WWOX: variants seen among roughly 807,000 people sequenced by gnomAD.
WWOX encodes the protein WW domain containing oxidoreductase.
A neutral mutation model predicts 46.2 loss-of-function variants in WWOX; 69 were observed. The ratio of observed to expected loss-of-function variants is 1.49; its 90% CI spans 1.23 to 1.82. The LOEUF is 1.82. Ranked by LOEUF, WWOX falls within the 40% of genes most tolerant of loss-of-function variation. The pLI, the probability that WWOX is intolerant of heterozygous loss-of-function variation, is 0.00. For missense variants in WWOX, 919 were observed against 542.6 expected (o/e 1.69, Z -6.89); for synonymous variants, 359 against 202.6 (o/e 1.77, Z -6.56).
At chr16:78,975,135 C>G (rs1358419585) in intron 8 of WWOX, among the ~76,000 whole-genome samples, 1 of 152,156 alleles carries the variant, frequency 6.6e-6, no homozygotes, top group Non-Finnish European at 1.5e-5. Context: ...AAAAGATACT[C>G]CAGTCCTTAA....
chr16:78,360,305 G>A (rs867627618), intron 5 of WWOX, among the ~76,000 whole-genome samples: 5 of 152,154 alleles, frequency 3.3e-5, no homozygotes, highest in Admixed American at 6.5e-5. Flanking sequence ...GGAGAAGTAG[G>A]CTGGGCACAG....
chr16:78,600,715 C>A (rs764468389), intron 8 of WWOX, among the ~76,000 whole-genome samples: 24 of 152,272 alleles, frequency 1.6e-4, no homozygotes, highest in Non-Finnish European at 2.2e-4. Flanking sequence ...GACAATAGGG[C>A]CATGAAAGCA....
chr16:78,376,416 C>T (rs754250264), intron 5 of WWOX, among the ~76,000 whole-genome samples: 3 of 152,114 alleles, frequency 2.0e-5, no homozygotes, highest in African/African-American at 7.2e-5. Flanking sequence ...CAGGCTGTCC[C>T]TGTTCTTATC....
intron 8 of WWOX, chr16:79,016,098 C>G (rs965669372): frequency 2.0e-5 from 3 of 152,198 alleles, no homozygotes; most frequent in African/African-American, 7.2e-5. Flanking sequence ...TATATGTTCT[C>G]AAATTCCAAC....
At chr16:79,129,223 G>GAT (rs2049824944) in intron 8 of WWOX, among the ~76,000 whole-genome samples, 1 of 151,548 alleles carries the variant, frequency 6.6e-6, no homozygotes, top group Non-Finnish European at 1.5e-5. Context: ...AGACCATCAG[G>GAT]GCCTAGGATT....
At chr16:78,793,138 T>C (rs1428231634) in intron 8 of WWOX, among the ~76,000 whole-genome samples, 1 of 152,182 alleles carries the variant, frequency 6.6e-6, no homozygotes, top group Non-Finnish European at 1.5e-5. Flanking sequence ...AGTGATGCAA[T>C]CTCAGGTCAC....
At chr16:78,561,431 G>A (rs561521132) in intron 8 of WWOX, among the ~76,000 whole-genome samples, 1 of 152,244 alleles carries the variant, frequency 6.6e-6, no homozygotes, top group Admixed American at 6.5e-5. Flanking sequence ...TATCTTAAGG[G>A]CAACTGATGT....
intron 3 of WWOX, among the ~76,000 whole-genome samples, chr16:78,113,843 G>T (rs185894814): frequency 6.6e-6 from 1 of 151,790 alleles, no homozygotes; most frequent in Non-Finnish European, 1.5e-5. Flanking sequence ...TGAGGATGAG[G>T]ATGGTAATAA....
At chr16:79,067,428 T>C (rs1224390066) in intron 8 of WWOX, among the ~76,000 whole-genome samples, 1 of 152,152 alleles carries the variant, frequency 6.6e-6, no homozygotes, top group African/African-American at 2.4e-5. Flanking sequence ...AAAAACTTTA[T>C]GAAAACTCCA....
chr16:78,646,041 C>A (rs778925234), intron 8 of WWOX, among the ~76,000 whole-genome samples: 8 of 152,158 alleles, frequency 5.3e-5, no homozygotes, highest in Non-Finnish European at 1.0e-4. Flanking sequence ...CCTTTTAGAT[C>A]CTTTGTGACT....
intron 8 of WWOX, among the ~76,000 whole-genome samples, chr16:78,794,897 C>G (rs189811619): frequency 6.6e-6 from 1 of 152,302 alleles, no homozygotes; most frequent in East Asian, 1.9e-4. Flanking sequence ...AAATGACTTG[C>G]CTTTTGTATG....
intron 5 of WWOX, among the ~76,000 whole-genome samples, chr16:78,352,337 G>A (rs2081202828): frequency 6.6e-6 from 1 of 152,144 alleles, no homozygotes; most frequent in Non-Finnish European, 1.5e-5. Context: ...CAGTTTTGGA[G>A]GTCAGTGGTC....
In WWOX at chr16:78,109,774, T is replaced by G; in HGVS notation, c.173-4T>G. 6.2e-7 allele frequency: 1 copy of G among 1,614,154 alleles called. No homozygotes were observed. Among genetic ancestry groups the G allele is most frequent in the Non-Finnish European group, 8.5e-7 (1 of 1,180,024 alleles). On this transcript the variant is annotated splice_region_variant and splice_polypyrimidine_tract_variant and intron_variant, in intron 2 of 8. Transcript: ENST00000566780. ...CCTGTAGACCTGTCTTTCTTGTGTT[T>G]CAGATTTGCCATACGGATGGGAACA...
intron 8 of WWOX, among the ~76,000 whole-genome samples, chr16:79,021,402 C>T (rs74036003): frequency 6.6e-6 from 1 of 152,172 alleles, no homozygotes; most frequent in African/African-American, 2.4e-5. Flanking sequence ...GTGCCCTTTG[C>T]AGAATAATGG....
chr16:79,104,042 G>GT (rs978238856), intron 8 of WWOX, among the ~76,000 whole-genome samples: 1 of 122,914 alleles, frequency 8.1e-6, no homozygotes, highest in Non-Finnish European at 1.7e-5. Flanking sequence ...TTTTTTGGGG[G>GT]GGGGGGGGCG....
At chr16:78,652,751 C>T (rs763433899) in intron 8 of WWOX, among the ~76,000 whole-genome samples, 4 of 152,112 alleles carry the variant, frequency 2.6e-5, no homozygotes, top group Non-Finnish European at 5.9e-5. Flanking sequence ...TAAAAATAGA[C>T]TTGGTAAAGA....
chr16:78,167,440 A>C (rs2035681613), intron 5 of WWOX: 1 of 152,224 alleles, frequency 6.6e-6, no homozygotes, highest in South Asian at 2.1e-4. Context: ...AACATGTAGT[A>C]CCTTGAGATA....
intron 7 of WWOX, among the ~76,000 whole-genome samples, chr16:78,427,528 A>T (rs540312345): frequency 3.4e-5 from 5 of 148,108 alleles, no homozygotes; most frequent in Admixed American, 2.7e-4. Flanking sequence ...AAAATCACAC[A>T]TACACGCACG....
rs564335875 is a variant in WWOX at position 78,102,512 on chromosome 16, G to T, written c.107+2627G>T. ...GGACATTTCCAGCAGCAGAGCTCCAGTAGCCTTTGCAGGGACGGAGGCAAG... is the reference window on the plus strand; with the variant it reads ...GGACATTTCCAGCAGCAGAGCTCCATTAGCCTTTGCAGGGACGGAGGCAAG... On this transcript the variant is annotated intron_variant, in intron 1 of 8. Transcript: ENST00000566780. 5.3e-5 allele frequency among the ~76,000 whole-genome samples: 8 copies of T among 152,322 alleles called. No homozygotes were observed. In the East Asian group the frequency reaches 1.5e-3, roughly 29 times the overall value.
Sources: gnomAD v4.1 joint callset for allele counts (sites outside exome capture counted in the v4.1 genomes callset) on GRCh38, gnomAD v4.1.1 for gene constraint, MANE v1.5 for transcripts, NCBI Gene and HGNC (gene_info 2026-07-23, HGNC 2026-07-21) for gene names.